Variants in BMPR2 observed in about 807,000 individuals in gnomAD.
BMPR2 encodes the protein bone morphogenetic protein receptor type 2.
A neutral mutation model predicts 100.8 loss-of-function variants in BMPR2; 29 were observed. That is an observed-to-expected ratio of 0.29 (90% CI 0.21 to 0.39). BMPR2 has a LOEUF of 0.39. Ranked by LOEUF, BMPR2 falls within the 10% of genes least tolerant of loss-of-function variation. The pLI is 1.00. For missense variants in BMPR2, 1,011 were observed against 1,274.5 expected, an observed-to-expected ratio of 0.79 and a Z score of 3.15; for synonymous variants, 382 against 442.3, an observed-to-expected ratio of 0.86 and a Z score of 1.71.
chr2:202,475,015 G>C (rs1212975711), intron 3 of BMPR2: 1 of 152,062 alleles, frequency 6.6e-6, no homozygotes, highest in Non-Finnish European at 1.5e-5. Context: ...TTAATATTTA[G>C]AATGTTTCTT....
At chr2:202,392,110 C>T (rs1690562745) in intron 1 of BMPR2, among the ~76,000 whole-genome samples, 1 of 150,878 alleles carries the variant, frequency 6.6e-6, no homozygotes, top group Non-Finnish European at 1.5e-5. Context: ...CGCTCTCGTC[C>T]CCCAGGCTTG....
intron 1 of BMPR2, among the ~76,000 whole-genome samples, chr2:202,424,505 G>A (rs534811289): frequency 1.6e-4 from 25 of 152,196 alleles, no homozygotes; most frequent in African/African-American, 5.5e-4. Flanking sequence ...AGACCAGCCT[G>A]GCCAACACAG....
chr2:202,430,570 A>T (rs544767845), intron 1 of BMPR2, among the ~76,000 whole-genome samples: 1 of 152,176 alleles, frequency 6.6e-6, no homozygotes, highest in Non-Finnish European at 1.5e-5. Context: ...TTTGACTGAC[A>T]TTACTGATGA....
At chr2:202,377,662 C>T (rs1690180656) in intron 1 of BMPR2, 112 bp downstream of exon 1, 5 of 1,296,278 alleles carry the variant, frequency 3.9e-6, no homozygotes, top group Non-Finnish European at 2.2e-6. Context: ...CCCCCGATCG[C>T]GGTGCAGCGG....
intron 1 of BMPR2, among the ~76,000 whole-genome samples, chr2:202,441,256 A>G: frequency 6.7e-6 from 1 of 150,338 alleles, no homozygotes. Context: ...GCTAGGATTA[A>G]GAAAATATTC....
intron 2 of BMPR2, 106 bp from the exon 3 acceptor site, chr2:202,467,413 C>A: frequency 1.0e-6 from 1 of 978,754 alleles, no homozygotes; most frequent in Non-Finnish European, 1.6e-6. Flanking sequence ...TGTTTCATAG[C>A]TTACACGTAC....
intron 1 of BMPR2, among the ~76,000 whole-genome samples, chr2:202,431,272 C>A (rs1691497969): frequency 6.6e-6 from 1 of 150,442 alleles, no homozygotes; most frequent in South Asian, 2.1e-4. Flanking sequence ...ACAAAAATTG[C>A]TCCCTCTGGA....
intron 1 of BMPR2, among the ~76,000 whole-genome samples, chr2:202,400,233 C>T (rs1690742616): frequency 6.6e-6 from 1 of 152,096 alleles, no homozygotes; most frequent in African/African-American, 2.4e-5. Flanking sequence ...CCTTTAAATC[C>T]TGGGCTCAAG....
chr2:202,515,555 G>C (rs1454556029), intron 5 of BMPR2, among the ~76,000 whole-genome samples: 3 of 144,912 alleles, frequency 2.1e-5, no homozygotes, highest in Non-Finnish European at 4.5e-5. Context: ...TGGGCAACAA[G>C]AGCGAAACTC....
At chr2:202,525,242 C>T (rs1417204879) in intron 7 of BMPR2, among the ~76,000 whole-genome samples, 2 of 151,754 alleles carry the variant, frequency 1.3e-5, no homozygotes, top group South Asian at 2.1e-4. Flanking sequence ...AGATGAGTCT[C>T]GCTCTGTTCC....
intron 4 of BMPR2, among the ~76,000 whole-genome samples, chr2:202,514,623 T>C (rs1368608445): frequency 2.6e-5 from 4 of 152,216 alleles, no homozygotes; most frequent in African/African-American, 7.2e-5. Context: ...AAAGTTTTTA[T>C]AATATTGCTT....
At chr2:202,522,779 A>G (rs1687841056) in intron 7 of BMPR2, among the ~76,000 whole-genome samples, 1 of 149,176 alleles carries the variant, frequency 6.7e-6, no homozygotes. Flanking sequence ...GCAATGAGCT[A>G]TGATCATGCC....
At chr2:202,556,617 C>A in intron 12 of BMPR2, 86 bp downstream of exon 12, 1 of 1,439,078 alleles carries the variant, frequency 6.9e-7, no homozygotes, top group Non-Finnish European at 9.6e-7. Flanking sequence ...AGATATATTT[C>A]AACTAGTGAT....
chr2:202,398,380 A>G (rs1690695806), intron 1 of BMPR2, among the ~76,000 whole-genome samples: 1 of 152,156 alleles, frequency 6.6e-6, no homozygotes, highest in Admixed American at 6.5e-5. Context: ...GGTGAAAACA[A>G]CTGGCTTTTT....
intron 11 of BMPR2, 59 bp from the exon 12 acceptor site, chr2:202,555,193 G>A: frequency 6.8e-7 from 1 of 1,468,018 alleles, no homozygotes; most frequent in Non-Finnish European, 9.5e-7. Context: ...GTTAAATTTG[G>A]AGAGACAGTT....
chr2:202,464,957 G>A lies in BMPR2; in HGVS notation c.225G>A (p.Gly75=), dbSNP rs1228093709. 1.9e-6 allele frequency: 3 copies of A among 1,613,970 alleles called. No homozygotes were observed. Among genetic ancestry groups the A allele is most frequent in the African/African-American group, 2.7e-5 (2 of 74,988 alleles). The part of the protein sequence containing the change: ...TCYGLWEKSK[G]DINLVKQGCW... ...ATGGCCTTTGGGAGAAATCAAAAGGGGACATAAATCTTGTAAAACAAGGCA... is the reference window on the plus strand; with the variant it reads ...ATGGCCTTTGGGAGAAATCAAAAGGAGACATAAATCTTGTAAAACAAGGCA... Residue 75 remains glycine, a synonymous_variant, in exon 2 of 13, where the codon GGG becomes GGA. Coordinates refer to ENST00000374580, the MANE Select transcript of BMPR2 (RefSeq NM_001204.7).
chr2:202,526,661 C>T (rs1687916972), intron 7 of BMPR2, among the ~76,000 whole-genome samples: 1 of 152,184 alleles, frequency 6.6e-6, no homozygotes, highest in South Asian at 2.1e-4. Context: ...TCCTAATCTC[C>T]CTTTTCAAGA....
At chr2:202,380,129 G>C (rs570117893) in intron 1 of BMPR2, among the ~76,000 whole-genome samples, 12 of 151,650 alleles carry the variant, frequency 7.9e-5, no homozygotes, top group Non-Finnish European at 1.6e-4. Context: ...GCCTCCCAAA[G>C]TGCTGGGATT....
intron 10 of BMPR2, 80 bp from the exon 11 acceptor site, chr2:202,552,636 T>C: frequency 6.8e-7 from 1 of 1,479,808 alleles, no homozygotes; most frequent in South Asian, 1.2e-5. Flanking sequence ...ATTTTTCTTT[T>C]ACCTCATGTG....
Sources: gnomAD v4.1 joint callset for allele counts (sites outside exome capture counted in the v4.1 genomes callset) on GRCh38, gnomAD v4.1.1 for gene constraint, MANE v1.5 for transcripts, NCBI Gene and HGNC (gene_info 2026-07-23, HGNC 2026-07-21) for gene names.